TTC23L: variants seen among roughly 807,000 people sequenced by gnomAD.
TTC23L encodes the protein tetratricopeptide repeat domain 23 like.
Under a neutral mutation model 48.1 loss-of-function variants are expected in TTC23L, and 42 were observed. That is an observed-to-expected ratio of 0.87 (90% CI 0.68 to 1.13). The LOEUF is 1.13. TTC23L is among the 50% of genes most tolerant of loss of function. The probability of loss-of-function intolerance (pLI) is 0.00; values close to 1 mark genes in which losing one functional copy is unlikely to be tolerated. For synonymous variants in TTC23L, 159 were observed against 157.2 expected (o/e 1.01, Z -0.09); for missense variants, 391 against 421.0 (o/e 0.93, Z 0.62).
At chr5:34,862,168 G>A (rs1159883637) in intron 4 of TTC23L, among the ~76,000 whole-genome samples, 2 of 152,238 alleles carry the variant, frequency 1.3e-5, no homozygotes, top group East Asian at 3.9e-4. Context: ...AAAAAACAAG[G>A]GGAAAAACCC....
chr5:34,923,159 C>G, the TTC23L span: 1 of 1,614,010 alleles, frequency 6.2e-7, no homozygotes, highest in South Asian at 1.1e-5. Flanking sequence ...GGTATCATCC[C>G]AAAAGCCAAC....
At chr5:34,852,089 T>C (rs911402682) in intron 4 of TTC23L, among the ~76,000 whole-genome samples, 1 of 152,222 alleles carries the variant, frequency 6.6e-6, no homozygotes, top group African/African-American at 2.4e-5. Flanking sequence ...CTTTCTACGT[T>C]GCCCAGGCCG....
intron 8 of TTC23L, among the ~76,000 whole-genome samples, chr5:34,876,165 A>G (rs1761817051): frequency 6.6e-6 from 1 of 152,196 alleles, no homozygotes; most frequent in African/African-American, 2.4e-5. Flanking sequence ...ATAGCATATT[A>G]GAAAAGAGAT....
intron 1 of TTC23L, among the ~76,000 whole-genome samples, chr5:34,840,035 G>A (rs1338545385): frequency 6.6e-6 from 1 of 152,184 alleles, no homozygotes; most frequent in African/African-American, 2.4e-5. Context: ...GGAACTACAG[G>A]CGTGCACCAC....
intron 4 of TTC23L, among the ~76,000 whole-genome samples, chr5:34,862,142 AAAAAGAAAAG>A (rs1185857270): frequency 6.6e-6 from 1 of 152,166 alleles, no homozygotes; most frequent in Non-Finnish European, 1.5e-5. Context: ...TTAAATCTTT[AAAAAGAAAAG>A]AAAAGAAAAA....
intron 9 of TTC23L, among the ~76,000 whole-genome samples, chr5:34,890,266 G>T (rs1762783936): frequency 6.6e-6 from 1 of 151,588 alleles, no homozygotes; most frequent in African/African-American, 2.4e-5. Context: ...GCAACATGGT[G>T]AAGCGCCATC....
the TTC23L span, chr5:34,923,275 T>A: frequency 7.1e-7 from 1 of 1,399,630 alleles, no homozygotes; most frequent in Non-Finnish European, 1.0e-6. Flanking sequence ...TTTTTTTAAT[T>A]GAGTTTATTT....
chr5:34,908,722 A>T, the TTC23L span: 39 of 1,486,616 alleles, frequency 2.6e-5, no homozygotes, highest in Non-Finnish European at 3.5e-5. Context: ...TAAGAACTTC[A>T]TCTATCATAA....
At chr5:34,886,992 TA>T (rs1292340975) in intron 9 of TTC23L, among the ~76,000 whole-genome samples, 6 of 152,146 alleles carry the variant, frequency 3.9e-5, no homozygotes. Context: ...AGAATGAATC[TA>T]AAGGCTTAGT....
At chr5:34,864,513 G>T (rs1269911316) in exon 6 of TTC23L, 1 of 1,613,716 alleles carries the variant, frequency 6.2e-7, no homozygotes, top group Non-Finnish European at 8.5e-7. Flanking sequence ...TAAAGGAGGT[G>T]TTTGTGAATT....
At chr5:34,850,397 G>A (rs1759577823) in intron 4 of TTC23L, 89 bp downstream of exon 4, 1 of 1,538,696 alleles carries the variant, frequency 6.5e-7, no homozygotes, top group African/African-American at 1.4e-5. Flanking sequence ...GCATGACTAG[G>A]AGGGCCCCTT....
intron 4 of TTC23L, among the ~76,000 whole-genome samples, chr5:34,859,804 G>A (rs80015696): frequency 4.2e-5 from 6 of 143,194 alleles, no homozygotes; most frequent in African/African-American, 1.0e-4. Flanking sequence ...TAGCTTATAC[G>A]TTTTTCTTTT....
chr5:34,913,930 G>C, the TTC23L span: 3 of 457,590 alleles, frequency 6.6e-6, no homozygotes, highest in Non-Finnish European at 1.3e-5. Context: ...TGATTACCCA[G>C]GCTGGTCTTT....
intron 4 of TTC23L, chr5:34,861,166 C>A (rs1464874941): frequency 6.6e-6 from 1 of 152,334 alleles, no homozygotes; most frequent in Non-Finnish European, 1.5e-5. Flanking sequence ...TGGGGTTTCA[C>A]CATGTTGGCC....
chr5:34,892,756 T>C (rs1172886950), intron 9 of TTC23L, among the ~76,000 whole-genome samples: 2 of 152,080 alleles, frequency 1.3e-5, no homozygotes, highest in Admixed American at 6.6e-5. Context: ...AGAAGCATAG[T>C]GGCGTAGATA....
the TTC23L span, chr5:34,909,067 T>C: frequency 9.3e-7 from 1 of 1,074,822 alleles, no homozygotes; most frequent in Non-Finnish European, 1.3e-6. Context: ...TCCAATTTGC[T>C]AATATTTTCT....
At chr5:34,892,860 A>C (rs930859868) in intron 9 of TTC23L, among the ~76,000 whole-genome samples, 1 of 152,328 alleles carries the variant, frequency 6.6e-6, no homozygotes, top group Middle Eastern at 3.4e-3. Flanking sequence ...GGAAAGACAG[A>C]CTGGGGTGAG....
chr5:34,840,292 A>C (rs930689377), intron 1 of TTC23L, among the ~76,000 whole-genome samples: 1 of 138,420 alleles, frequency 7.2e-6, no homozygotes, highest in African/African-American at 2.8e-5. Context: ...TTCGTTTACC[A>C]CTGAGAGTTG....
At chr5:34,845,205 T>A (rs1370802798) in intron 2 of TTC23L, among the ~76,000 whole-genome samples, 1 of 152,228 alleles carries the variant, frequency 6.6e-6, no homozygotes, top group African/African-American at 2.4e-5. Context: ...GCATCCATAT[T>A]CTCATTTTAC....
Sources: allele counts gnomAD v4.1 joint callset (sites outside exome capture counted in the v4.1 genomes callset), GRCh38; gene constraint gnomAD v4.1.1; transcripts MANE v1.5; gene names NCBI Gene and HGNC (gene_info 2026-07-23, HGNC 2026-07-21).